Variants in UBOX5 observed in about 807,000 individuals in gnomAD.
UBOX5 encodes the protein RING finger protein 37.
UBOX5 carries 28 observed loss-of-function variants against 39.0 expected under a neutral mutation model. That is an observed-to-expected ratio of 0.72 (90% CI 0.53 to 0.98). UBOX5 has a LOEUF of 0.98. UBOX5 is among the 50% of genes least tolerant of loss of function. The pLI is 0.00. For missense variants in UBOX5, 585 were observed against 674.4 expected, an observed-to-expected ratio of 0.87 and a Z score of 1.47; for synonymous variants, 283 against 275.5, an observed-to-expected ratio of 1.03 and a Z score of -0.27.
rs752140912 is a variant in UBOX5, at chr20:3,147,623, T to C, written c.-42+12143A>G. 1.1e-5 allele frequency: 17 copies of C among 1,614,076 alleles called. No individual in the cohort carries two copies. In the South Asian group the frequency reaches 1.3e-4, roughly 13 times the overall value. On this transcript the variant is annotated intron_variant, in intron 1 of 4. Coordinates refer to ENST00000217173, the MANE Select transcript of UBOX5 (RefSeq NM_014948.4). ...ATCAATTAACTCTACTGGAAAGTAC[T>C]CCAAAAATGCCAGGCCCAGCAGGCA... is the stretch of plus-strand genomic sequence containing the variant.
At chr20:3,136,676 G>C (rs939081309) in intron 1 of UBOX5, among the ~76,000 whole-genome samples, 1 of 150,254 alleles carries the variant, frequency 6.7e-6, no homozygotes, top group Non-Finnish European at 1.5e-5. Flanking sequence ...ATTATTTTGA[G>C]ATGGAGTCTT....
At chr20:3,150,035 G>A (rs1461292178) in intron 1 of UBOX5, among the ~76,000 whole-genome samples, 4 of 146,802 alleles carry the variant, frequency 2.7e-5, no homozygotes, top group East Asian at 2.0e-4. Context: ...AAAAAAAAAA[G>A]ATTTAATTAG....
intron 2 of UBOX5, 47 bp downstream of exon 2, chr20:3,123,265 A>G: frequency 6.3e-7 from 1 of 1,575,692 alleles, no homozygotes; most frequent in East Asian, 2.2e-5. Flanking sequence ...GATGAAACAC[A>G]TGACAAACAT....
At position 3,129,408 on chromosome 20, in the gene UBOX5, C is replaced by T. The variant is rs1003943574; in HGVS notation, c.-41-6002G>A. 3.3e-5 allele frequency among the ~76,000 whole-genome samples: 5 copies of T among 152,250 alleles called. No individual in the cohort carries two copies. In the South Asian group the frequency reaches 8.3e-4, roughly 25 times the overall value. ...TAAAAATTCAGTGGCCGACTTGTGA[C>T]GATTCATAGGACACCAGAGTAGCAG... On this transcript the variant is annotated intron_variant, in intron 1 of 4. Coordinates refer to ENST00000217173, the MANE Select transcript of UBOX5 (RefSeq NM_014948.4).
Position 3,107,795 on chromosome 20 carries a change from T to C in UBOX5, c.*2311A>G, listed in dbSNP as rs1343726979. The C allele has an allele frequency of 6.6e-6, 1 of 152,168 alleles. No homozygotes were observed. The highest frequency in any genetic ancestry group is 1.5e-5 in the Non-Finnish European group (1 of 68,132). The allele number at this position is 152,168 out of a possible 1,614,324, so 9.4% of individuals were successfully genotyped here. A position where few individuals can be genotyped will look rare whatever the true frequency, so the allele number is the denominator to read the frequency against. The stretch of plus-strand genomic sequence containing the variant: ...GGCTGGATTTTCCACCAGAGCAGTC[T>C]TGGGGGCAGGAGCCTGTTAGAAATG... On this transcript the variant is annotated 3_prime_UTR_variant, in exon 5 of 5. Transcript: ENST00000217173. This position sits in a 1 kb window ranked among gnomAD's most constrained non-coding sequence, Gnocchi z 5.0.
At position 3,158,536 on chromosome 20, in the gene UBOX5, C is replaced by T. The variant is rs1046968743; in HGVS notation, c.-42+1230G>A. Among the ~76,000 whole-genome samples the T allele has an allele frequency of 4.6e-5, 7 of 152,136 alleles. No individual in the cohort carries two copies. In the East Asian group the frequency reaches 5.8e-4, roughly 13 times the overall value. On this transcript the variant is annotated intron_variant, in intron 1 of 4. Coordinates refer to ENST00000217173, the MANE Select transcript of UBOX5 (RefSeq NM_014948.4). ...TCGCCCAGGCTGGAGTGCAGTGGCG[C>T]GATCTCGGCTCACTGCACACTCCGC...
chr20:3,111,381 TC>T (rs1200333558), intron 4 of UBOX5, among the ~76,000 whole-genome samples: 4 of 152,294 alleles, frequency 2.6e-5, no homozygotes, highest in African/African-American at 9.6e-5. Context: ...ATTCACCTGC[TC>T]CAGGCTTGTC....
intron 3 of UBOX5, among the ~76,000 whole-genome samples, chr20:3,119,137 A>G (rs751205919): frequency 6.6e-6 from 1 of 152,232 alleles, no homozygotes; most frequent in Non-Finnish European, 1.5e-5. Flanking sequence ...TCAAGATTAC[A>G]TTCTAAAAGA....
intron 1 of UBOX5, among the ~76,000 whole-genome samples, chr20:3,142,772 CAA>C (rs58907108): frequency 1.3e-5 from 1 of 77,760 alleles, no homozygotes; most frequent in African/African-American, 5.5e-5. Flanking sequence ...AACTCTGTCT[CAA>C]AAAAAAAAAA....
Position 3,109,989 on chromosome 20 carries a change from A to T in UBOX5, c.*117T>A, listed in dbSNP as rs2066240437. The T allele has an allele frequency of 8.3e-7, 1 of 1,207,592 alleles. No individual in the cohort carries two copies. Among genetic ancestry groups the T allele is most frequent in the Non-Finnish European group, 1.2e-6 (1 of 846,396 alleles). 74.8% of individuals were successfully genotyped at this position (1,207,592 alleles called of 1,614,324 possible). On this transcript the variant is annotated 3_prime_UTR_variant, in exon 5 of 5. Coordinates refer to ENST00000217173, the MANE Select transcript of UBOX5 (RefSeq NM_014948.4). ...TGAGGTGATGAAGAAGAGCCCCGGG[A>T]GGGAGCAGGCAGCTCTGTGCCTGGG...
At chr20:3,146,601 A>C in intron 1 of UBOX5, 1 of 680,242 alleles carries the variant, frequency 1.5e-6, no homozygotes, top group South Asian at 2.0e-5. Flanking sequence ...GTACAATCCA[A>C]CTACATTACA....
intron 3 of UBOX5, among the ~76,000 whole-genome samples, chr20:3,119,651 C>T (rs1208762876): frequency 6.6e-6 from 1 of 151,972 alleles, no homozygotes; most frequent in African/African-American, 2.4e-5. Context: ...GTCAGGAGTT[C>T]GAGACCAACC....
intron 4 of UBOX5, chr20:3,110,706 AG>A (rs2066246866): frequency 3.6e-6 from 1 of 277,806 alleles, no homozygotes; most frequent in Non-Finnish European, 7.1e-6. Flanking sequence ...CGACAAGAGA[AG>A]GAAAAGGCAG....
chr20:3,146,724 C>A (rs1187259694), intron 1 of UBOX5: 2 of 1,548,056 alleles, frequency 1.3e-6, no homozygotes, highest in African/African-American at 2.8e-5. Context: ...TTTGCAACAC[C>A]TGGTACAGTA....
intron 3 of UBOX5, among the ~76,000 whole-genome samples, chr20:3,120,922 T>C (rs1600370243): frequency 6.6e-6 from 1 of 151,796 alleles, no homozygotes. Flanking sequence ...TCTGTGACGG[T>C]TAGAAATAAC....
intron 1 of UBOX5, chr20:3,147,311 GA>G: frequency 1.2e-6 from 2 of 1,614,236 alleles, no homozygotes; most frequent in Non-Finnish European, 1.7e-6. Flanking sequence ...TAAGTCAGAA[GA>G]TCGGGTATGA....
rs1309489843 is a variant in UBOX5 at position 3,149,005 on chromosome 20, A to G, written c.-42+10761T>C. The G allele has an allele frequency of 1.9e-6, 3 of 1,613,996 alleles. No individual in the cohort carries two copies. In the African/African-American group the frequency reaches 4.0e-5, roughly 22 times the overall value. On this transcript the variant is annotated intron_variant, in intron 1 of 4. Transcript: ENST00000217173. The surrounding 1 kb of genome is among the most constrained non-coding windows in gnomAD (Gnocchi z 4.1). ...AGTATGACACACTTCGGACTGCACC[A>G]AAGGCAGAAGGACTGCAAAATGCTC...
chr20:3,123,912 G>A (rs757601008), intron 1 of UBOX5, among the ~76,000 whole-genome samples: 1 of 152,190 alleles, frequency 6.6e-6, no homozygotes, highest in Non-Finnish European at 1.5e-5. Context: ...TAGAGGCCAG[G>A]TGTGGTGGCT....
intron 1 of UBOX5, among the ~76,000 whole-genome samples, chr20:3,124,281 C>T (rs192240716): frequency 6.6e-5 from 10 of 152,304 alleles, no homozygotes; most frequent in Admixed American, 2.6e-4. Flanking sequence ...ACTGTACTGC[C>T]GTGATCTCAG....
Sources: gnomAD v4.1 joint callset for allele counts (sites outside exome capture counted in the v4.1 genomes callset) on GRCh38, gnomAD v4.1.1 for gene constraint, Gnocchi (gnomAD v3.1) non-coding constraint, MANE v1.5 for transcripts, NCBI Gene and HGNC (gene_info 2026-07-23, HGNC 2026-07-21) for gene names.